ARHGAP6: variants seen among roughly 807,000 people sequenced by gnomAD.
ARHGAP6 encodes the protein Rho GTPase activating protein 6.
Under a neutral mutation model 55.7 loss-of-function variants are expected in ARHGAP6, and 16 were observed. The observed-to-expected ratio is 0.29, with a 90% CI of 0.19 to 0.44. The LOEUF is 0.44. ARHGAP6 is among the 20% of genes least tolerant of loss of function. ARHGAP6 has a pLI of 1.00. For missense variants in ARHGAP6, 698 were observed against 808.9 expected (o/e 0.86, Z 1.66); for synonymous variants, 382 against 360.9 (o/e 1.06, Z -0.66).
intron 1 of ARHGAP6, among the ~76,000 whole-genome samples, chrX:11,477,625 A>G (rs1306843248): frequency 2.7e-5 from 3 of 112,289 alleles, no homozygotes; most frequent in Non-Finnish European, 5.7e-5. Context: ...ACAGATGAAC[A>G]AGTAAACATA....
At chrX:11,295,218 G>T (rs2048063290) in intron 1 of ARHGAP6, among the ~76,000 whole-genome samples, 1 of 111,467 alleles carries the variant, frequency 9.0e-6, no homozygotes, top group South Asian at 3.8e-4. Context: ...ATATTACAGA[G>T]ATGCCAGTTT....
At chrX:11,449,119 C>A (rs1036552085) in intron 1 of ARHGAP6, among the ~76,000 whole-genome samples, 4 of 111,418 alleles carry the variant, frequency 3.6e-5, no homozygotes, top group Admixed American at 9.5e-5. Context: ...GCTGAGACAC[C>A]ACCTTTGGCC....
At chrX:11,550,165 A>G (rs1240195175) in intron 1 of ARHGAP6, among the ~76,000 whole-genome samples, 1 of 111,848 alleles carries the variant, frequency 8.9e-6, no homozygotes, top group African/African-American at 3.3e-5. Flanking sequence ...AAAGGCTGTA[A>G]TTTAATTTGA....
At chrX:11,562,786 G>A (rs1601647342) in intron 1 of ARHGAP6, among the ~76,000 whole-genome samples, 1 of 111,739 alleles carries the variant, frequency 8.9e-6, no homozygotes, top group East Asian at 2.8e-4. Flanking sequence ...CCTTTGAAAC[G>A]CAATGTCACT....
intron 2 of ARHGAP6, among the ~76,000 whole-genome samples, chrX:11,212,070 A>G (rs1328991925): frequency 1.8e-5 from 2 of 111,658 alleles, no homozygotes; most frequent in African/African-American, 6.5e-5. Flanking sequence ...TGCAGTTGGC[A>G]TCTGACACAG....
intron 1 of ARHGAP6, among the ~76,000 whole-genome samples, chrX:11,567,566 A>AAAAAAAATATATATATATATATATAT (rs1440758737): frequency 1.2e-5 from 1 of 84,401 alleles, no homozygotes; most frequent in Non-Finnish European, 2.3e-5. Flanking sequence ...AAAAAAAAAA[A>AAAAAAAATATATATATATATATATAT]ATATATATAT....
intron 1 of ARHGAP6, among the ~76,000 whole-genome samples, chrX:11,266,210 C>T (rs1569278756): frequency 9.1e-6 from 1 of 109,806 alleles, no homozygotes; most frequent in Non-Finnish European, 1.9e-5. Flanking sequence ...TAAAAAAAAT[C>T]CTCTTTTCCA....
intron 1 of ARHGAP6, among the ~76,000 whole-genome samples, chrX:11,570,719 T>G (rs1304679458): frequency 1.8e-5 from 2 of 111,831 alleles, no homozygotes; most frequent in African/African-American, 6.5e-5. Flanking sequence ...AGATTCAGTA[T>G]TACTTTGGTG....
At chrX:11,394,482 TAAG>T (rs1433688516) in intron 1 of ARHGAP6, among the ~76,000 whole-genome samples, 1 of 111,876 alleles carries the variant, frequency 8.9e-6, no homozygotes, top group Non-Finnish European at 1.9e-5. Flanking sequence ...GTAAATTTAT[TAAG>T]AAACCACTGA....
chrX:11,227,885 C>T (rs2047076125), intron 2 of ARHGAP6, among the ~76,000 whole-genome samples: 1 of 108,807 alleles, frequency 9.2e-6, no homozygotes, highest in African/African-American at 3.4e-5. Context: ...GAGTGAGTTG[C>T]TCTTCCATAG....
At chrX:11,540,024 G>A (rs1242904969) in intron 1 of ARHGAP6, among the ~76,000 whole-genome samples, 3 of 110,628 alleles carry the variant, frequency 2.7e-5, no homozygotes, top group East Asian at 2.8e-4. Context: ...GGGAGGCCGA[G>A]GTAGGCGGAT....
chrX:11,356,865 T>A (rs192143248), intron 1 of ARHGAP6, among the ~76,000 whole-genome samples: 1 of 112,217 alleles, frequency 8.9e-6, no homozygotes, highest in Non-Finnish European at 1.9e-5. Flanking sequence ...AAATTGAGAA[T>A]TTATTTCATA....
chrX:11,218,700 T>C (rs1461787370), intron 2 of ARHGAP6, among the ~76,000 whole-genome samples: 2 of 111,470 alleles, frequency 1.8e-5, no homozygotes, highest in South Asian at 3.8e-4. Context: ...GGAGGGTGTA[T>C]GTGTCCAGGA....
At chrX:11,488,819 C>G (rs1367864596) in intron 1 of ARHGAP6, among the ~76,000 whole-genome samples, 1 of 111,576 alleles carries the variant, frequency 9.0e-6, no homozygotes, top group Non-Finnish European at 1.9e-5. Flanking sequence ...GAAACCATCC[C>G]CCCCACAACC....
intron 1 of ARHGAP6, among the ~76,000 whole-genome samples, chrX:11,357,782 C>A (rs373047960): frequency 9.0e-6 from 1 of 111,551 alleles, no homozygotes; most frequent in Admixed American, 9.6e-5. Flanking sequence ...AGGGATATAG[C>A]GATTTACTTA....
intron 1 of ARHGAP6, among the ~76,000 whole-genome samples, chrX:11,366,791 G>C (rs1475633544): frequency 1.8e-5 from 2 of 111,918 alleles, no homozygotes; most frequent in Non-Finnish European, 3.8e-5. Flanking sequence ...ACTTTACAAT[G>C]GATATCTCCT....
chrX:11,472,563 T>C (rs1242462457), intron 1 of ARHGAP6, among the ~76,000 whole-genome samples: 2 of 110,636 alleles, frequency 1.8e-5, no homozygotes, highest in Non-Finnish European at 3.8e-5. Context: ...GAAAACAGAG[T>C]GACTGAGGTG....
At chrX:11,387,822 C>A (rs767736614) in intron 1 of ARHGAP6, among the ~76,000 whole-genome samples, 10 of 110,972 alleles carry the variant, frequency 9.0e-5, no homozygotes, top group Non-Finnish European at 1.7e-4. Context: ...TTTGTCCTTG[C>A]GATAGTTTGC....
At chrX:11,321,349 C>A (rs1226776630) in intron 1 of ARHGAP6, among the ~76,000 whole-genome samples, 1 of 111,549 alleles carries the variant, frequency 9.0e-6, no homozygotes, top group Non-Finnish European at 1.9e-5. Flanking sequence ...TTTAGTTGCA[C>A]AGTGGTATTT....
Sources: allele counts gnomAD v4.1 joint callset (sites outside exome capture counted in the v4.1 genomes callset), GRCh38; gene constraint gnomAD v4.1.1; transcripts MANE v1.5; gene names NCBI Gene and HGNC (gene_info 2026-07-23, HGNC 2026-07-21).